EGFLAM: variants seen among roughly 807,000 people sequenced by gnomAD.
The protein encoded by EGFLAM is EGF like, fibronectin type III and laminin G domains, also known as pikachurin.
Under a neutral mutation model 113.1 loss-of-function variants are expected in EGFLAM, and 79 were observed. The observed-to-expected ratio is 0.70, with a 90% confidence interval of 0.58 to 0.84. The LOEUF is 0.84. EGFLAM is among the 40% of genes least tolerant of loss of function. The probability of loss-of-function intolerance (pLI) is 0.00; values close to 1 mark genes in which losing one functional copy is unlikely to be tolerated. For missense variants in EGFLAM, 1,265 were observed against 1,291.6 expected (o/e 0.98, Z 0.32); for synonymous variants, 504 against 487.6 (o/e 1.03, Z -0.44).
rs138187721 is a variant in EGFLAM at position 38,425,037 on chromosome 5, C to T, written c.1755C>T (p.Ala585=). The change falls in exon 13 of 22, where the codon GCC becomes GCT. Residue 585 remains alanine, a synonymous_variant. Transcript: ENST00000322350. ...IHGGTCTAIK[A]DSYICLCPLG... The stretch of plus-strand genomic sequence containing the variant: ...GTGGCACCTGCACAGCAATCAAAGC[C>T]GACTCCTACATTTGCCTCTGTCCCC... The T allele has an allele frequency of 6.6e-5, 107 of 1,613,904 alleles. 1 individual carries two copies. The African/African-American group carries it at 1.1e-3, about 17-fold the overall frequency.
intron 1 of EGFLAM, among the ~76,000 whole-genome samples, chr5:38,274,702 A>C (rs1757844275): frequency 6.6e-6 from 1 of 152,194 alleles, no homozygotes; most frequent in Admixed American, 6.5e-5. Flanking sequence ...AGAAATGCTA[A>C]AGGGAGTTCC....
chr5:38,435,630 G>GGTACTTTGCA (rs1742319098), intron 16 of EGFLAM, among the ~76,000 whole-genome samples: 1 of 151,926 alleles, frequency 6.6e-6, no homozygotes, highest in Non-Finnish European at 1.5e-5. Context: ...TCTCTTTTGC[G>GGTACTTTGCA]GTACTTTGCA....
chr5:38,435,281 T>C (rs773134802), intron 16 of EGFLAM, 28 bp downstream of exon 16: 8 of 1,515,714 alleles, frequency 5.3e-6, no homozygotes, highest in Admixed American at 1.7e-5. Context: ...TCATGTTTAC[T>C]GGGCCACCCA....
At chr5:38,433,587 T>C (rs1024811871) in intron 15 of EGFLAM, among the ~76,000 whole-genome samples, 4 of 152,208 alleles carry the variant, frequency 2.6e-5, no homozygotes, top group Non-Finnish European at 5.9e-5. Flanking sequence ...CAAAAGGAAC[T>C]GCTCCTCACT....
intron 6 of EGFLAM, among the ~76,000 whole-genome samples, chr5:38,378,480 G>A (rs1740423848): frequency 6.6e-6 from 1 of 152,222 alleles, no homozygotes; most frequent in Non-Finnish European, 1.5e-5. Flanking sequence ...ATAGGCTGCA[G>A]CAGTGAGCAG....
At chr5:38,331,928 C>A (rs1447403117) in intron 1 of EGFLAM, among the ~76,000 whole-genome samples, 1 of 152,168 alleles carries the variant, frequency 6.6e-6, no homozygotes, top group East Asian at 1.9e-4. Context: ...GTTTTTGACT[C>A]CTTTGGGTAA....
At chr5:38,394,088 T>C (rs559639616) in intron 6 of EGFLAM, among the ~76,000 whole-genome samples, 1 of 152,042 alleles carries the variant, frequency 6.6e-6, no homozygotes, top group South Asian at 2.1e-4. Flanking sequence ...TATCCATCTA[T>C]TTGTAGTCTC....
intron 6 of EGFLAM, among the ~76,000 whole-genome samples, chr5:38,377,917 A>C (rs1740408018): frequency 6.6e-6 from 1 of 152,158 alleles, no homozygotes; most frequent in South Asian, 2.1e-4. Context: ...CTGGGTTCTT[A>C]CTTGATCATT....
chr5:38,301,121 C>T (rs1758566295), intron 1 of EGFLAM, among the ~76,000 whole-genome samples: 1 of 152,070 alleles, frequency 6.6e-6, no homozygotes, highest in Non-Finnish European at 1.5e-5. Flanking sequence ...AGAGGAGAAA[C>T]TGTGGTCAGA....
intron 3 of EGFLAM, among the ~76,000 whole-genome samples, chr5:38,348,393 G>T (rs1022708783): frequency 6.6e-6 from 1 of 152,138 alleles, no homozygotes; most frequent in South Asian, 2.1e-4. Flanking sequence ...AGAGAAAGGG[G>T]GGTGGATGGA....
chr5:38,458,630 G>C (rs1743169172), intron 20 of EGFLAM, among the ~76,000 whole-genome samples: 1 of 152,200 alleles, frequency 6.6e-6, no homozygotes, highest in Non-Finnish European at 1.5e-5. Flanking sequence ...TTCTGGAGAA[G>C]AAACCTTTTG....
intron 1 of EGFLAM, among the ~76,000 whole-genome samples, chr5:38,323,657 T>C (rs7714025): frequency 0.15 from 23,238 of 152,174 alleles, 2,101 homozygotes; most frequent in African/African-American, 0.25. Flanking sequence ...TTAGATTTTT[T>C]TTAATATTGA....
At chr5:38,440,200 A>T (rs1307356327) in intron 17 of EGFLAM, among the ~76,000 whole-genome samples, 1 of 152,204 alleles carries the variant, frequency 6.6e-6, no homozygotes, top group Non-Finnish European at 1.5e-5. Flanking sequence ...CCTGCAAAGC[A>T]GTCTAGAACC....
intron 1 of EGFLAM, among the ~76,000 whole-genome samples, chr5:38,329,933 A>C (rs935349744): frequency 6.6e-6 from 1 of 152,198 alleles, no homozygotes; most frequent in Non-Finnish European, 1.5e-5. Context: ...TGTGTGAAAG[A>C]GCAAATAAAT....
chr5:38,381,940 G>A (rs1009156851), intron 6 of EGFLAM, among the ~76,000 whole-genome samples: 6 of 152,172 alleles, frequency 3.9e-5, no homozygotes, highest in Non-Finnish European at 7.3e-5. Context: ...TTCCTCAAGC[G>A]TGTTCAGAGA....
intron 1 of EGFLAM, among the ~76,000 whole-genome samples, chr5:38,302,891 A>G (rs1392288595): frequency 6.6e-6 from 1 of 152,130 alleles, no homozygotes; most frequent in Non-Finnish European, 1.5e-5. Context: ...TGAGGATTTC[A>G]TGAGAAACCT....
intron 6 of EGFLAM, among the ~76,000 whole-genome samples, chr5:38,372,047 A>G (rs1001286543): frequency 1.3e-5 from 2 of 152,130 alleles, no homozygotes; most frequent in Non-Finnish European, 2.9e-5. Context: ...AATGTAGAAT[A>G]AAGATGAGAT....
chr5:38,378,761 G>A (rs1740431260), intron 6 of EGFLAM, among the ~76,000 whole-genome samples: 1 of 152,152 alleles, frequency 6.6e-6, no homozygotes, highest in South Asian at 2.1e-4. Flanking sequence ...CCTTGCTGTG[G>A]GACCTCCTCA....
intron 1 of EGFLAM, among the ~76,000 whole-genome samples, chr5:38,264,175 G>A (rs973529880): frequency 6.6e-6 from 1 of 152,056 alleles, no homozygotes; most frequent in East Asian, 1.9e-4. Flanking sequence ...CTGGCACTAG[G>A]GGGGCTGGAG....
Sources: gnomAD v4.1 joint callset for allele counts (sites outside exome capture counted in the v4.1 genomes callset) on GRCh38, gnomAD v4.1.1 for gene constraint, MANE v1.5 for transcripts, NCBI Gene and HGNC (gene_info 2026-07-23, HGNC 2026-07-21) for gene names.